The following NDUFAF6 variants were observed in gnomAD, a reference collection of about 807,000 sequenced individuals.
The protein encoded by NDUFAF6 is NADH dehydrogenase (ubiquinone) complex I, assembly factor 6.
In NDUFAF6, 45 loss-of-function variants were observed where a neutral mutation model predicts 40.8. The ratio of observed to expected loss-of-function variants is 1.10; its 90% confidence interval spans 0.87 to 1.42. NDUFAF6 has a LOEUF of 1.42. Ranked by LOEUF, NDUFAF6 falls within the 40% of genes most tolerant of loss-of-function variation. The pLI, the probability that NDUFAF6 is intolerant of heterozygous loss-of-function variation, is 0.00. For missense variants in NDUFAF6, 435 were observed against 418.5 expected, an observed-to-expected ratio of 1.04 and a Z score of -0.34; for synonymous variants, 185 against 155.9, an observed-to-expected ratio of 1.19 and a Z score of -1.39.
At chr8:94,907,284 G>A (rs1818454993) in intron 1 of NDUFAF6, among the ~76,000 whole-genome samples, 1 of 152,182 alleles carries the variant, frequency 6.6e-6, no homozygotes, top group African/African-American at 2.4e-5. Flanking sequence ...GTAAATGCCA[G>A]GTAGCAAGGA....
chr8:95,100,026 C>T (rs774893625), upstream of NDUFAF6, among the ~76,000 whole-genome samples: 1 of 152,100 alleles, frequency 6.6e-6, no homozygotes, highest in South Asian at 2.1e-4. Flanking sequence ...TTAAATCATA[C>T]GTGAGGCTTG....
intron 9 of NDUFAF6, among the ~76,000 whole-genome samples, chr8:95,064,593 A>G (rs975934000): frequency 1.3e-5 from 2 of 152,032 alleles, no homozygotes; most frequent in African/African-American, 4.8e-5. Context: ...TTTCTGGCTC[A>G]TAACTCCCAT....
intron 2 of NDUFAF6, among the ~76,000 whole-genome samples, chr8:94,952,152 T>C (rs1242765839): frequency 6.6e-6 from 1 of 152,208 alleles, no homozygotes; most frequent in African/African-American, 2.4e-5. Flanking sequence ...ACAAAAGGGA[T>C]TCAACCTCAA....
chr8:95,053,647 G>T (rs1407362922), intron 8 of NDUFAF6, among the ~76,000 whole-genome samples: 1 of 150,592 alleles, frequency 6.6e-6, no homozygotes, highest in Non-Finnish European at 1.5e-5. Flanking sequence ...TTTTTTGGAG[G>T]CAGATTCTCA....
At chr8:94,966,081 A>G (rs1487086915) in intron 1 of NDUFAF6, among the ~76,000 whole-genome samples, 1 of 152,118 alleles carries the variant, frequency 6.6e-6, no homozygotes, top group African/African-American at 2.4e-5. Context: ...TGGGACATAT[A>G]GGAGTCACTC....
At chr8:94,923,436 A>G (rs556544844) in intron 1 of NDUFAF6, among the ~76,000 whole-genome samples, 13 of 152,310 alleles carry the variant, frequency 8.5e-5, no homozygotes, top group Admixed American at 2.0e-4. Flanking sequence ...TAATAGTTCT[A>G]AAGGCCAAAG....
upstream of NDUFAF6, among the ~76,000 whole-genome samples, chr8:95,020,667 C>A (rs188247000): frequency 3.3e-5 from 5 of 152,298 alleles, no homozygotes; most frequent in East Asian, 9.6e-4. Context: ...AAAAACTTGG[C>A]CTTCAGAACG....
At chr8:95,038,172 C>A (rs943885584) in intron 3 of NDUFAF6, among the ~76,000 whole-genome samples, 21 of 152,138 alleles carry the variant, frequency 1.4e-4, no homozygotes, top group African/African-American at 4.6e-4. Context: ...TGTGCATGGC[C>A]CACTTATTGT....
At chr8:94,997,946 T>C (rs555202449) in intron 2 of NDUFAF6, among the ~76,000 whole-genome samples, 6 of 152,314 alleles carry the variant, frequency 3.9e-5, no homozygotes, top group East Asian at 3.9e-4. Context: ...TCCGTAAAGA[T>C]TGAGGTTTTC....
At chr8:95,033,736 A>G (rs1330739575) in intron 2 of NDUFAF6, among the ~76,000 whole-genome samples, 1 of 152,296 alleles carries the variant, frequency 6.6e-6, no homozygotes, top group Admixed American at 6.5e-5. Context: ...TGAGGGAGTG[A>G]GCTGTACAGA....
chr8:95,063,874 G>T (rs1401947762), intron 9 of NDUFAF6, among the ~76,000 whole-genome samples: 1 of 150,408 alleles, frequency 6.6e-6, no homozygotes, highest in African/African-American at 2.4e-5. Context: ...GTTTCTTGCT[G>T]CAGTTTTTTT....
Position 94,915,884 on chromosome 8 carries a change from C to A in NDUFAF6, c.-936+19957C>A, listed in dbSNP as rs148023871. Among the ~76,000 whole-genome samples, 355 of 152,232 alleles carry A rather than the reference C, an allele frequency of 2.3e-3. 1 individual carries two copies. The highest frequency in any genetic ancestry group is 3.2e-3 in the Non-Finnish European group (218 of 68,030). On this transcript the variant is annotated intron_variant, in intron 1 of 14. Transcript: ENST00000396113. ...AGAATAAGTGATACTTGTACCAGAC[C>A]TTGTAGGATAGGTGGAATTGTATTG... is the stretch of plus-strand genomic sequence containing the variant.
At chr8:94,935,089 C>CAGTAGGTA (rs1554630932) in intron 1 of NDUFAF6, among the ~76,000 whole-genome samples, 1 of 149,836 alleles carries the variant, frequency 6.7e-6, no homozygotes, top group African/African-American at 2.5e-5. Context: ...AAACAGGAAA[C>CAGTAGGTA]GGTAGGTAGG....
At chr8:95,106,333 T>C (rs932796121), downstream of NDUFAF6, among the ~76,000 whole-genome samples, 2 of 149,624 alleles carry the variant, frequency 1.3e-5, no homozygotes, top group African/African-American at 4.9e-5. Context: ...ATACCGCACA[T>C]CTACAACCAT....
intron 4 of NDUFAF6, among the ~76,000 whole-genome samples, chr8:95,114,971 T>G (rs1453381179): frequency 4.0e-5 from 6 of 151,514 alleles, no homozygotes; most frequent in Non-Finnish European, 5.9e-5. Context: ...CTGAGGCAGG[T>G]GAATCGCTGG....
rs1828917844 is a variant in NDUFAF6, at chr8:95,032,068, A to C, written c.271A>C (p.Arg91=). The change falls in exon 2 of 9, where the codon AGG becomes CGG. Residue 91 remains arginine (R), a synonymous_variant. Transcript: ENST00000396124. ...AESRSSVFAL[R]AFNVELAQVK... is the part of the protein sequence containing the mutation. Reference sequence around the variant, plus strand: ...ATCCCGAAGCTCTGTTTTTGCACTGAGGGCCTTTAATGTGGAACTGGCTCA... The same window carrying C: ...ATCCCGAAGCTCTGTTTTTGCACTGCGGGCCTTTAATGTGGAACTGGCTCA... The C allele has an allele frequency of 6.2e-7, 1 of 1,614,154 alleles. No individual in the cohort carries two copies. The highest frequency in any genetic ancestry group is 8.5e-7 in the Non-Finnish European group (1 of 1,180,014).
At chr8:94,897,346 G>A (rs550655452) in intron 1 of NDUFAF6, among the ~76,000 whole-genome samples, 7 of 152,250 alleles carry the variant, frequency 4.6e-5, no homozygotes, top group African/African-American at 1.7e-4. Flanking sequence ...ATTCCAAGAC[G>A]TCTTTGTGTG....
chr8:95,047,096 A>C lies in NDUFAF6; in HGVS notation c.683A>C (p.Lys228Thr). 6.2e-7 allele frequency: 1 copy of C among 1,614,188 alleles called. No individual in the cohort carries two copies. Among genetic ancestry groups the C allele is most frequent in the Non-Finnish European group, 8.5e-7 (1 of 1,180,020 alleles). The stretch of plus-strand genomic sequence containing the variant: ...ACACCATATCATGGGAGCAGAAGAA[A>C]GGTGTTCCTTCCCATGGATATTTGT... The part of the protein sequence containing the change: ...RATPYHGSRR[K>T]VFLPMDICML... Residue 228 changes from lysine (K) to threonine (T), a missense_variant, in exon 6 of 9, where the codon AAG becomes ACG. Coordinates refer to ENST00000396124, the MANE Select transcript of NDUFAF6 (RefSeq NM_152416.4).
intron 1 of NDUFAF6, among the ~76,000 whole-genome samples, chr8:94,968,068 C>T (rs1283812230): frequency 1.3e-5 from 2 of 152,170 alleles, no homozygotes; most frequent in Admixed American, 1.3e-4. Context: ...GGCTACTGGC[C>T]AGAGATGTCA....
Sources: allele counts gnomAD v4.1 joint callset (sites outside exome capture counted in the v4.1 genomes callset), GRCh38; gene constraint gnomAD v4.1.1; transcripts MANE v1.5; gene names NCBI Gene and HGNC (gene_info 2026-07-23, HGNC 2026-07-21).